The following GRIA4 variants were observed in gnomAD, a reference collection of about 807,000 sequenced individuals.
GRIA4 encodes the protein glutamate receptor 4.
GRIA4 carries 34 observed loss-of-function variants against 104.0 expected under a neutral mutation model. The ratio of observed to expected loss-of-function variants is 0.33; its 90% CI spans 0.25 to 0.44. GRIA4 has a LOEUF of 0.44. Ranked by LOEUF, GRIA4 falls within the 20% of genes least tolerant of loss-of-function variation. GRIA4 has a pLI of 1.00. For synonymous variants in GRIA4, 386 were observed against 381.9 expected, an observed-to-expected ratio of 1.01 and a Z score of -0.13; for missense variants, 750 against 1,096.5, an observed-to-expected ratio of 0.68 and a Z score of 4.46.
intron 3 of GRIA4, among the ~76,000 whole-genome samples, chr11:105,734,058 A>G (rs965355502): frequency 3.3e-4 from 48 of 147,138 alleles, no homozygotes; most frequent in African/African-American, 1.0e-3. Context: ...ATATATGTAT[A>G]TTATATATAA....
intron 4 of GRIA4, among the ~76,000 whole-genome samples, chr11:105,795,495 G>A (rs1237170731): frequency 6.6e-6 from 1 of 152,110 alleles, no homozygotes; most frequent in Non-Finnish European, 1.5e-5. Context: ...AATGTGTGAT[G>A]TGGACGTTTG....
intron 4 of GRIA4, among the ~76,000 whole-genome samples, chr11:105,846,581 A>C (rs771702124): frequency 3.3e-5 from 5 of 152,168 alleles, no homozygotes; most frequent in African/African-American, 4.8e-5. Flanking sequence ...AAAACAAGGA[A>C]AAAACAACTT....
At chr11:105,890,331 A>C (rs1010493029) in intron 6 of GRIA4, among the ~76,000 whole-genome samples, 1 of 152,240 alleles carries the variant, frequency 6.6e-6, no homozygotes, top group Non-Finnish European at 1.5e-5. Context: ...AAGGAATGTC[A>C]CTGAAATATT....
At chr11:105,865,191 TA>T (rs908666996) in intron 5 of GRIA4, among the ~76,000 whole-genome samples, 1 of 152,188 alleles carries the variant, frequency 6.6e-6, no homozygotes, top group Non-Finnish European at 1.5e-5. Context: ...AAATATGGTT[TA>T]ATGTACACCA....
chr11:105,698,090 T>C (rs1953350824), intron 3 of GRIA4, among the ~76,000 whole-genome samples: 1 of 152,188 alleles, frequency 6.6e-6, no homozygotes, highest in South Asian at 2.1e-4. Flanking sequence ...AAGAGTCCAT[T>C]CATTTAGAAG....
At chr11:105,860,003 T>C (rs1011393628) in intron 4 of GRIA4, among the ~76,000 whole-genome samples, 1 of 152,102 alleles carries the variant, frequency 6.6e-6, no homozygotes, top group Non-Finnish European at 1.5e-5. Context: ...GAAAGAATGC[T>C]GGGGTTTTGG....
At chr11:105,868,387 A>G (rs575434582) in intron 5 of GRIA4, among the ~76,000 whole-genome samples, 10 of 152,302 alleles carry the variant, frequency 6.6e-5, no homozygotes, top group African/African-American at 2.4e-4. Context: ...TCCTTGCATT[A>G]CACCAGTTTA....
At chr11:105,661,464 G>T (rs1397304659) in intron 3 of GRIA4, among the ~76,000 whole-genome samples, 4 of 151,486 alleles carry the variant, frequency 2.6e-5, no homozygotes, top group Admixed American at 2.0e-4. Flanking sequence ...CAGAGTTTTG[G>T]GGAAAAATTC....
Position 105,680,168 on chromosome 11 carries a change from TC to T in GRIA4, c.247+67737del, listed in dbSNP as rs138729275. 4.6e-3 allele frequency among the ~76,000 whole-genome samples: 693 copies of T among 152,192 alleles called. 15 individuals carry two copies. The highest frequency in any genetic ancestry group is 0.016 in the African/African-American group (647 of 41,536). On this transcript the variant is annotated intron_variant, in intron 3 of 16. Transcript: ENST00000282499. ...ATTGCTATGTCACCTGGTAGTTGCA[TC>T]CCTCCTTTTGAAAGTAAGACCTCTA...
At chr11:105,767,923 C>T (rs1206377692) in intron 4 of GRIA4, among the ~76,000 whole-genome samples, 1 of 152,106 alleles carries the variant, frequency 6.6e-6, no homozygotes, top group Non-Finnish European at 1.5e-5. Flanking sequence ...TCGCTTTAAT[C>T]TGAATCAGAG....
intron 3 of GRIA4, among the ~76,000 whole-genome samples, chr11:105,740,240 C>T (rs571871325): frequency 9.2e-5 from 14 of 152,074 alleles, no homozygotes; most frequent in South Asian, 6.2e-4. Context: ...TAATAGCTGC[C>T]AATTTTCAAA....
At chr11:105,908,460 T>C (rs567362903) in intron 9 of GRIA4, among the ~76,000 whole-genome samples, 2 of 152,284 alleles carry the variant, frequency 1.3e-5, no homozygotes, top group East Asian at 1.9e-4. Flanking sequence ...GTCCAAACTT[T>C]AGGATTCCTT....
chr11:105,865,743 T>C (rs1276607217), intron 5 of GRIA4, among the ~76,000 whole-genome samples: 1 of 152,196 alleles, frequency 6.6e-6, no homozygotes, highest in South Asian at 2.1e-4. Flanking sequence ...ACGTTATCAA[T>C]TGAACATTGA....
intron 3 of GRIA4, among the ~76,000 whole-genome samples, chr11:105,739,185 C>T (rs1400355056): frequency 6.6e-6 from 1 of 152,132 alleles, no homozygotes; most frequent in Admixed American, 6.6e-5. Flanking sequence ...TTGCAAATAG[C>T]CTTCTGCTTA....
chr11:105,952,784 T>C (rs911965849), intron 14 of GRIA4, among the ~76,000 whole-genome samples: 6 of 152,204 alleles, frequency 3.9e-5, no homozygotes, highest in African/African-American at 1.4e-4. Flanking sequence ...AAAGTAGTTT[T>C]CAAGTGCTCA....
chr11:105,687,994 A>G (rs1042479646), intron 3 of GRIA4, among the ~76,000 whole-genome samples: 19 of 152,172 alleles, frequency 1.2e-4, no homozygotes, highest in African/African-American at 4.1e-4. Flanking sequence ...TGATTCAAGC[A>G]TGACTTCATA....
intron 4 of GRIA4, among the ~76,000 whole-genome samples, chr11:105,796,762 T>C (rs1171417904): frequency 6.6e-6 from 1 of 152,224 alleles, no homozygotes; most frequent in Admixed American, 6.5e-5. Context: ...ATTTAAAAGA[T>C]TAATACTTTC....
At chr11:105,673,882 T>A (rs1952453719) in intron 3 of GRIA4, among the ~76,000 whole-genome samples, 1 of 152,072 alleles carries the variant, frequency 6.6e-6, no homozygotes, top group South Asian at 2.1e-4. Flanking sequence ...AAATTAGCCA[T>A]ATCAATTTAT....
At chr11:105,623,608 C>T (rs1350311574) in intron 3 of GRIA4, among the ~76,000 whole-genome samples, 3 of 151,938 alleles carry the variant, frequency 2.0e-5, no homozygotes, top group African/African-American at 4.8e-5. Flanking sequence ...TTGGACTCCT[C>T]CAATACAGTT....
Sources: gnomAD v4.1 joint callset for allele counts (sites outside exome capture counted in the v4.1 genomes callset) on GRCh38, gnomAD v4.1.1 for gene constraint, MANE v1.5 for transcripts, NCBI Gene and HGNC (gene_info 2026-07-23, HGNC 2026-07-21) for gene names.